The following MICU3 variants were observed in gnomAD, a reference collection of about 807,000 sequenced individuals.
MICU3 encodes mitochondrial calcium uptake 3.
A neutral mutation model predicts 66.5 loss-of-function variants in MICU3; 62 were observed. The observed-to-expected ratio is 0.93, with a 90% CI of 0.76 to 1.15. The LOEUF is 1.15. Among genes scored for constraint, MICU3 ranks in the 50% most tolerant of loss-of-function variants. The pLI, the probability that MICU3 is intolerant of heterozygous loss-of-function variation, is 0.00. For missense variants in MICU3, 779 were observed against 664.4 expected, an observed-to-expected ratio of 1.17 and a Z score of -1.90; for synonymous variants, 308 against 240.7, an observed-to-expected ratio of 1.28 and a Z score of -2.59.
intron 11 of MICU3, among the ~76,000 whole-genome samples, chr8:17,111,991 C>G (rs908785356): frequency 6.6e-5 from 10 of 152,140 alleles, no homozygotes; most frequent in Non-Finnish European, 1.0e-4. Flanking sequence ...AGAGAACACA[C>G]AGGAAAAACT....
At chr8:17,058,393 C>G (rs563305417) in intron 1 of MICU3, among the ~76,000 whole-genome samples, 1 of 152,066 alleles carries the variant, frequency 6.6e-6, no homozygotes, top group Non-Finnish European at 1.5e-5. Flanking sequence ...TCATTGTGCT[C>G]CAGTGAAATG....
At chr8:17,057,630 G>C (rs1312496720) in intron 1 of MICU3, among the ~76,000 whole-genome samples, 2 of 151,878 alleles carry the variant, frequency 1.3e-5, no homozygotes, top group South Asian at 4.2e-4. Flanking sequence ...ACTCCTCTCA[G>C]TCTCTTCCCT....
At chr8:17,059,769 G>T (rs1032811978) in intron 1 of MICU3, among the ~76,000 whole-genome samples, 1 of 151,986 alleles carries the variant, frequency 6.6e-6, no homozygotes, top group Non-Finnish European at 1.5e-5. Flanking sequence ...AAATGCTTAG[G>T]AATGAATCTA....
rs969543539 is a variant in MICU3, at chr8:17,036,077, G to C, written c.381+8417G>C. ...TCGCGGTGAGTGTTACAGCTCTTAA[G>C]GTGGCACGTCTGGAGTCTGTCCCTT... On this transcript the variant is annotated intron_variant, in intron 1 of 14. Transcript: ENST00000318063. Among the ~76,000 whole-genome samples the C allele has an allele frequency of 3.3e-5, 5 of 152,290 alleles. No individual in the cohort carries two copies. In the South Asian group the frequency reaches 1.0e-3, roughly 32 times the overall value.
chr8:17,059,564 G>A (rs187100090), intron 1 of MICU3, among the ~76,000 whole-genome samples: 7 of 152,126 alleles, frequency 4.6e-5, no homozygotes, highest in African/African-American at 1.4e-4. Context: ...AGCTACAACT[G>A]TCACCATTTT....
intron 6 of MICU3, 93 bp downstream of exon 6, chr8:17,085,411 A>T: frequency 1.5e-6 from 1 of 687,660 alleles, no homozygotes; most frequent in Non-Finnish European, 2.4e-6. Flanking sequence ...TACTGTAGAG[A>T]AAAGAGTGAA....
chr8:17,039,971 G>A (rs1045205947), intron 1 of MICU3, among the ~76,000 whole-genome samples: 1 of 120,780 alleles, frequency 8.3e-6, no homozygotes. Flanking sequence ...AGAATGGCAC[G>A]ATCTCAGCTC....
At chr8:17,108,710 C>T (rs537764399) in intron 11 of MICU3, among the ~76,000 whole-genome samples, 23 of 152,326 alleles carry the variant, frequency 1.5e-4, no homozygotes, top group African/African-American at 5.5e-4. Flanking sequence ...CATCCTTCTG[C>T]TTCCAGCTTT....
chr8:17,045,043 C>T lies in MICU3; in HGVS notation c.381+17383C>T, dbSNP rs896297608. ...ATATGTCTGGCTAAAAACCAGGGCTCTTTTTTTTTTTTAAAGGAAAATTGG... is the reference window on the plus strand; with the variant it reads ...ATATGTCTGGCTAAAAACCAGGGCTTTTTTTTTTTTTTAAAGGAAAATTGG... On this transcript the variant is annotated intron_variant, in intron 1 of 14. Coordinates refer to ENST00000318063, the MANE Select transcript of MICU3 (RefSeq NM_181723.3). 1.1e-3 allele frequency among the ~76,000 whole-genome samples: 151 copies of T among 141,644 alleles called. 2 individuals are homozygous for T. The highest frequency in any genetic ancestry group is 1.7e-3 in the Non-Finnish European group (109 of 64,480). 92.9% of individuals were successfully genotyped at this position (141,644 alleles called of 152,430 possible). A position where few individuals can be genotyped will look rare whatever the true frequency, so the allele number is the denominator to read the frequency against.
At chr8:17,135,655 G>C in the MICU3 span, among the ~76,000 whole-genome samples, 4 of 152,054 alleles carry the variant, frequency 2.6e-5, no homozygotes, top group African/African-American at 4.8e-5. Context: ...CTCCAGAAGA[G>C]TGTAAAATAC....
chr8:17,058,080 C>T (rs1186199965), intron 1 of MICU3, among the ~76,000 whole-genome samples: 1 of 152,132 alleles, frequency 6.6e-6, no homozygotes, highest in Non-Finnish European at 1.5e-5. Flanking sequence ...GAACTCCTGA[C>T]CGCAGGTGAT....
At chr8:17,091,743 C>G (rs1800083558) in intron 8 of MICU3, among the ~76,000 whole-genome samples, 1 of 152,006 alleles carries the variant, frequency 6.6e-6, no homozygotes. Context: ...TAAGTAAAGC[C>G]TGTCATTTCC....
chr8:17,089,225 C>A lies in MICU3; in HGVS notation c.850-1321C>A, dbSNP rs2150753173. 1.3e-5 allele frequency among the ~76,000 whole-genome samples: 2 copies of A among 152,102 alleles called. 1 individual carries two copies. The highest frequency in any genetic ancestry group is 4.1e-4 in the South Asian group (2 of 4,824). On this transcript the variant is annotated intron_variant, in intron 7 of 14. Coordinates refer to ENST00000318063, the MANE Select transcript of MICU3 (RefSeq NM_181723.3). ...ATCAGAGCTCTTCCTTAAAACAATT[C>A]AGAAATAATCTTTAGTACAACTTTG... is the stretch of plus-strand genomic sequence containing the variant.
intron 1 of MICU3, among the ~76,000 whole-genome samples, chr8:17,040,339 T>C (rs1813855348): frequency 6.6e-6 from 1 of 152,240 alleles, no homozygotes; most frequent in African/African-American, 2.4e-5. Context: ...CCAAATTAAT[T>C]AAAAATCCAG....
At chr8:17,028,430 A>G (rs1420912373) in intron 1 of MICU3, among the ~76,000 whole-genome samples, 1 of 152,236 alleles carries the variant, frequency 6.6e-6, no homozygotes, top group Non-Finnish European at 1.5e-5. Flanking sequence ...GAAAGGCAAC[A>G]GTGAGTAAAG....
At chr8:17,063,197 A>G (rs1818142817) in intron 1 of MICU3, among the ~76,000 whole-genome samples, 1 of 152,122 alleles carries the variant, frequency 6.6e-6, no homozygotes. Context: ...TCTATCTATA[A>G]ATTTTTAGAT....
At chr8:17,036,827 C>T (rs1296447425) in intron 1 of MICU3, among the ~76,000 whole-genome samples, 1 of 152,250 alleles carries the variant, frequency 6.6e-6, no homozygotes, top group Non-Finnish European at 1.5e-5. Flanking sequence ...CACTCCTCAG[C>T]CCTTGGGTGG....
At chr8:17,065,834 AAG>A (rs1686072646) in intron 2 of MICU3, among the ~76,000 whole-genome samples, 1 of 152,204 alleles carries the variant, frequency 6.6e-6, no homozygotes, top group South Asian at 2.1e-4. Flanking sequence ...TTGATTGCAA[AAG>A]AGAAAGGAAC....
At chr8:17,082,749 T>C (rs1011763739) in intron 5 of MICU3, among the ~76,000 whole-genome samples, 1 of 152,090 alleles carries the variant, frequency 6.6e-6, no homozygotes, top group Non-Finnish European at 1.5e-5. Flanking sequence ...TTAGAAACAA[T>C]CTAAAAATAC....
Sources: gnomAD v4.1 joint callset for allele counts (sites outside exome capture counted in the v4.1 genomes callset) on GRCh38, gnomAD v4.1.1 for gene constraint, MANE v1.5 for transcripts, NCBI Gene and HGNC (gene_info 2026-07-23, HGNC 2026-07-21) for gene names.